GMNC: variants seen among roughly 807,000 people sequenced by gnomAD.
GMNC encodes the protein geminin coiled-coil domain containing, also known as geminin coiled-coil domain-containing protein 1.
A neutral mutation model predicts 33.6 loss-of-function variants in GMNC; 16 were observed. That is an observed-to-expected ratio of 0.48 (90% CI 0.32 to 0.72). The LOEUF is 0.72. Among genes scored for constraint, GMNC ranks in the 30% least tolerant of loss-of-function variants. The pLI, the probability that GMNC is intolerant of heterozygous loss-of-function variation, is 0.03. For missense variants in GMNC, 393 were observed against 388.9 expected (o/e 1.01, Z -0.09); for synonymous variants, 156 against 147.3 (o/e 1.06, Z -0.43).
the GMNC span, among the ~76,000 whole-genome samples, chr3:190,847,715 C>T: frequency 6.6e-6 from 1 of 152,166 alleles, no homozygotes. Context: ...GACTCTCTTG[C>T]ATACCTCCAT....
chr3:190,860,495 G>A (rs1737836628), intron 2 of GMNC, among the ~76,000 whole-genome samples, 189 bp downstream of exon 2: 1 of 152,182 alleles, frequency 6.6e-6, no homozygotes, highest in African/African-American at 2.4e-5. Context: ...GCAAGGTAAA[G>A]AATCCCATTT....
downstream of GMNC, among the ~76,000 whole-genome samples, chr3:190,851,531 T>C (rs1344079794): frequency 4.6e-5 from 7 of 152,222 alleles, no homozygotes; most frequent in Admixed American, 2.6e-4. Context: ...ATTTAAATTA[T>C]GTTTCTCTCA....
intron 4 of GMNC, 138 bp downstream of exon 4, chr3:190,857,645 T>G (rs1336563165): frequency 7.2e-6 from 4 of 554,826 alleles, no homozygotes; most frequent in African/African-American, 1.9e-5. Flanking sequence ...GAAAGAGCCG[T>G]TATTTCCTTA....
intron 3 of GMNC, among the ~76,000 whole-genome samples, chr3:190,858,724 C>A (rs528348142): frequency 5.3e-5 from 8 of 152,322 alleles, no homozygotes; most frequent in African/African-American, 1.9e-4. Flanking sequence ...GAGAGCTTGA[C>A]TGCAGGCCTT....
At position 190,855,792 on chromosome 3, in the gene GMNC, G is replaced by A. The variant is rs777412733; in HGVS notation, c.508C>T (p.Leu170Phe). ...IPHPKNAKRN[L>F]SSEFANCEEQ... ...TCACAGTTAGCAAATTCACTAGAGA[G>A]GTTTCTTTTGGCATTTTTGGGATGG... Residue 170 changes from leucine to phenylalanine, a missense_variant, in exon 5 of 5, where the codon CTC becomes TTC. By Grantham distance (22) the Leu-to-Phe change is conservative (BLOSUM62 0). Transcript: ENST00000442080. 3 of 1,551,406 alleles carry A rather than the reference G, an allele frequency of 1.9e-6. No individual in the cohort carries two copies. The highest frequency in any genetic ancestry group is 1.4e-5 in the African/African-American group (1 of 73,000).
rs1428091608 is a variant in GMNC at position 190,855,646 on chromosome 3, T to G, written c.654A>C (p.Arg218Ser). Reference sequence around the variant, plus strand: ...GAAACTGGGAAAATGTGCTGGCGACTCTTCTGGGATGAGATGCGAGGGCAC... The same window carrying G: ...GAAACTGGGAAAATGTGCTGGCGACGCTTCTGGGATGAGATGCGAGGGCAC... ...NYSALASHPR[R>S]VASTFSQFPD... Residue 218 changes from arginine to serine, a missense_variant, in exon 5 of 5, where the codon AGA becomes AGC. Transcript: ENST00000442080. The G allele has an allele frequency of 2.3e-5, 35 of 1,551,478 alleles. No homozygotes were observed. The highest frequency in any genetic ancestry group is 1.7e-4 in the Middle Eastern group (1 of 6,014).
chr3:190,860,746 A>G lies in GMNC; in HGVS notation c.116T>C (p.Val39Ala). 6.4e-7 allele frequency: 1 copy of G among 1,551,480 alleles called. No homozygotes were observed. The highest frequency in any genetic ancestry group is 1.2e-5 in the South Asian group (1 of 84,042). Reference sequence around the variant, plus strand: ...CAGGAGACCAGCAGCCCAGAAAGAGACCCAAGTCTCCGTGGAAACGTCAAC... The same window carrying G: ...CAGGAGACCAGCAGCCCAGAAAGAGGCCCAAGTCTCCGTGGAAACGTCAAC... ...SSVDVSTETW[V>A]SFWAAGLLDN... Residue 39 changes from valine to alanine, a missense_variant, in exon 2 of 5, where the codon GTC becomes GCC. Physicochemically the swap from Val to Ala is moderately conservative, Grantham distance 64. Transcript: ENST00000442080.
rs879222240 is a variant in GMNC, at chr3:190,855,018, A to G, written c.*277T>C. 8 of 397,294 alleles carry G rather than the reference A, an allele frequency of 2.0e-5. No homozygotes were observed. Among genetic ancestry groups the G allele is most frequent in the Middle Eastern group, 7.0e-4 (1 of 1,422 alleles). The allele number at this position is 397,294 out of a possible 1,614,324, so 24.6% of individuals were successfully genotyped here. A position where few individuals can be genotyped will look rare whatever the true frequency, so the allele number is the denominator to read the frequency against. ...CTTAAAGGAATATAGAAGTGAGTGG[A>G]AAATACCTTATCAAGTATAGGGCAA... On this transcript the variant is annotated 3_prime_UTR_variant, in exon 5 of 5. Coordinates refer to ENST00000442080, the MANE Select transcript of GMNC (RefSeq NM_001146686.3).
intron 2 of GMNC, chr3:190,859,731 T>C: frequency 2.5e-6 from 1 of 397,724 alleles, no homozygotes; most frequent in South Asian, 1.9e-5. Context: ...AAAACTATGG[T>C]TGGGCATACT....
intron 3 of GMNC, 140 bp from the exon 4 acceptor site, chr3:190,858,039 G>A (rs1345408573): frequency 1.6e-6 from 1 of 622,360 alleles, no homozygotes; most frequent in African/African-American, 1.8e-5. Flanking sequence ...CTCATCCTGA[G>A]AGGCCTAAAT....
At chr3:190,860,526 A>G (rs1737837037) in intron 2 of GMNC, among the ~76,000 whole-genome samples, 158 bp downstream of exon 2, 1 of 152,226 alleles carries the variant, frequency 6.6e-6, no homozygotes, top group Non-Finnish European at 1.5e-5. Context: ...GCAAGTGTAA[A>G]GCAGCAGGCT....
chr3:190,860,609 G>T, intron 2 of GMNC, 75 bp downstream of exon 2: 1 of 1,299,014 alleles, frequency 7.7e-7, no homozygotes, highest in Non-Finnish European at 1.1e-6. Flanking sequence ...TAGAGTCCCA[G>T]CCCATGATGC....
Position 190,855,529 on chromosome 3 carries a change from G to A in GMNC, c.771C>T (p.Ala257=). 6.4e-7 allele frequency: 1 copy of A among 1,551,728 alleles called. No homozygotes were observed. The highest frequency in any genetic ancestry group is 8.7e-7 in the Non-Finnish European group (1 of 1,146,976). ...GGATGTGGAAATCTTCTCCATGAGT[G>A]GCAGTGCTGTGCAAGGGGGTTGTTC... ...GDRTTPLHST[A]THGEDFHILS... is the part of the protein sequence containing the mutation. The change falls in exon 5 of 5, where the codon GCC becomes GCT. Residue 257 remains alanine (A), a synonymous_variant. Transcript: ENST00000442080.
downstream of GMNC, among the ~76,000 whole-genome samples, chr3:190,849,721 T>C (rs1577907777): frequency 6.6e-6 from 1 of 152,208 alleles, no homozygotes; most frequent in African/African-American, 2.4e-5. Context: ...ACAGCAGTCA[T>C]GTTCCTGAAA....
intron 2 of GMNC, among the ~76,000 whole-genome samples, chr3:190,860,229 CT>C (rs1437252547): frequency 6.6e-6 from 1 of 152,100 alleles, no homozygotes; most frequent in African/African-American, 2.4e-5. Flanking sequence ...AAAGGGAATC[CT>C]TTTTCAACTT....
At chr3:190,847,716 A>G in the GMNC span, among the ~76,000 whole-genome samples, 1 of 152,030 alleles carries the variant, frequency 6.6e-6, no homozygotes, top group Non-Finnish European at 1.5e-5. Flanking sequence ...ACTCTCTTGC[A>G]TACCTCCATT....
At chr3:190,859,736 C>A in intron 2 of GMNC, 1 of 400,790 alleles carries the variant, frequency 2.5e-6, no homozygotes, top group Non-Finnish European at 4.9e-6. Context: ...TATGGTTGGG[C>A]ATACTAACCA....
chr3:190,860,284 A>C (rs1016783800), intron 2 of GMNC, among the ~76,000 whole-genome samples: 1 of 152,248 alleles, frequency 6.6e-6, no homozygotes, highest in African/African-American at 2.4e-5. Flanking sequence ...ATAAAAATTA[A>C]GTTAGTATTT....
downstream of GMNC, among the ~76,000 whole-genome samples, chr3:190,852,698 C>A (rs1737653732): frequency 6.6e-6 from 1 of 151,990 alleles, no homozygotes; most frequent in Non-Finnish European, 1.5e-5. Context: ...CAAAGAAGAG[C>A]AAATACACAG....
Sources: gnomAD v4.1 joint callset for allele counts (sites outside exome capture counted in the v4.1 genomes callset) on GRCh38, gnomAD v4.1.1 for gene constraint, MANE v1.5 for transcripts, NCBI Gene and HGNC (gene_info 2026-07-23, HGNC 2026-07-21) for gene names.